The following ASAH2 variants were observed in gnomAD, a reference collection of about 807,000 sequenced individuals.
ASAH2 encodes N-acylsphingosine amidohydrolase 2.
A neutral mutation model predicts 82.9 loss-of-function variants in ASAH2; 58 were observed. The observed-to-expected ratio is 0.70, with a 90% CI of 0.57 to 0.87. The LOEUF is 0.87. Among genes scored for constraint, ASAH2 ranks in the 40% least tolerant of loss-of-function variants. The pLI is 0.00. For synonymous variants in ASAH2, 276 were observed against 289.7 expected (o/e 0.95, Z 0.48); for missense variants, 779 against 834.0 (o/e 0.93, Z 0.81).
chr10:50,221,645 G>T (rs1403650395), intron 7 of ASAH2, among the ~76,000 whole-genome samples: 7 of 149,682 alleles, frequency 4.7e-5, no homozygotes, highest in African/African-American at 1.8e-4. Flanking sequence ...GTGTGTGTGT[G>T]TGTGTGTGTG....
At chr10:50,229,200 A>G (rs1589347060) in intron 7 of ASAH2, among the ~76,000 whole-genome samples, 2 of 152,188 alleles carry the variant, frequency 1.3e-5, no homozygotes, top group South Asian at 4.1e-4. Flanking sequence ...ATTTTCCTCT[A>G]TTGGATGACA....
intron 4 of ASAH2, among the ~76,000 whole-genome samples, chr10:50,242,623 G>A (rs1279835983): frequency 3.0e-5 from 4 of 134,208 alleles, no homozygotes; most frequent in South Asian, 2.3e-4. Context: ...TTGCTTGCTC[G>A]CTTTCTATCT....
chr10:50,227,265 C>CT (rs1453446528), intron 7 of ASAH2, among the ~76,000 whole-genome samples: 6 of 152,044 alleles, frequency 3.9e-5, no homozygotes, highest in Non-Finnish European at 7.4e-5. Flanking sequence ...CATTAACAGA[C>CT]TATGTAGACT....
chr10:50,250,378 C>G (rs1030268270), intron 1 of ASAH2, among the ~76,000 whole-genome samples: 2 of 152,160 alleles, frequency 1.3e-5, no homozygotes, highest in Admixed American at 6.5e-5. Context: ...TATTGGGAAG[C>G]TTTCCTCATC....
intron 18 of ASAH2, among the ~76,000 whole-genome samples, chr10:50,195,054 A>G (rs1338379463): frequency 6.6e-6 from 1 of 151,366 alleles, no homozygotes; most frequent in African/African-American, 2.4e-5. Flanking sequence ...TATTACATCA[A>G]ACTAAACAGT....
At chr10:50,236,441 T>G (rs1403052729) in intron 4 of ASAH2, among the ~76,000 whole-genome samples, 1 of 152,054 alleles carries the variant, frequency 6.6e-6, no homozygotes, top group Non-Finnish European at 1.5e-5. Flanking sequence ...CCCACCCTCA[T>G]GATTCAATTA....
rs1451339576 is a variant in ASAH2, at chr10:50,185,885, C to T, written c.*1430G>A. ...TTTAAAATACAGATTGATTTTTTTC[C>T]CTAAAATGCTAAAGCTTTTACATAC... On this transcript the variant is annotated 3_prime_UTR_variant, in exon 21 of 21. Transcript: ENST00000682911. The T allele has an allele frequency of 1.4e-5, 2 of 143,726 alleles. No homozygotes were observed. The highest frequency in any genetic ancestry group is 2.7e-5 in the African/African-American group (1 of 37,384). The allele number at this position is 143,726 out of a possible 1,614,324, so 8.9% of individuals were successfully genotyped here.
Position 50,210,838 on chromosome 10 carries a change from G to A in ASAH2, c.1399C>T (p.Leu467Phe). 1 of 1,612,404 alleles carries A rather than the reference G, an allele frequency of 6.2e-7. No individual in the cohort carries two copies. Among genetic ancestry groups the A allele is most frequent in the African/African-American group, 1.3e-5 (1 of 74,994 alleles). ...AAGTIDGVGGLNFTQGKTEGD... is the reference protein window; with the variant it reads ...AAGTIDGVGGFNFTQGKTEGD... ...TTCACCTTACCCTGTGTAAAATTGA[G>A]GCCTCCAACTCCATCAATAGTGCCA... is the stretch of plus-strand genomic sequence containing the variant. Residue 467 changes from leucine to phenylalanine, a missense_variant, in exon 12 of 21, where the codon CTC becomes TTC. Coordinates refer to ENST00000682911, the MANE Select transcript of ASAH2 (RefSeq NM_019893.4).
At chr10:50,245,586 T>C in intron 2 of ASAH2, 132 bp from the exon 3 acceptor site, 2 of 809,486 alleles carry the variant, frequency 2.5e-6, no homozygotes, top group African/African-American at 3.5e-5. Context: ...TAAAAATATA[T>C]AGACAGGAAC....
intron 12 of ASAH2, among the ~76,000 whole-genome samples, chr10:50,208,256 T>C (rs1478381498): frequency 6.6e-6 from 1 of 151,976 alleles, no homozygotes; most frequent in Non-Finnish European, 1.5e-5. Context: ...ACACAGAATA[T>C]ACACTCTTTT....
At chr10:50,243,394 C>T in intron 3 of ASAH2, 43 bp from the exon 4 acceptor site, 1 of 1,591,440 alleles carries the variant, frequency 6.3e-7, no homozygotes, top group Non-Finnish European at 8.6e-7. Context: ...TCTCATTCCC[C>T]TGCTACTAGA....
At chr10:50,226,064 G>A (rs1845876534) in intron 7 of ASAH2, among the ~76,000 whole-genome samples, 2 of 151,860 alleles carry the variant, frequency 1.3e-5, no homozygotes, top group Admixed American at 1.3e-4. Context: ...CTGCACTCCA[G>A]CCTGGGCAAC....
intron 4 of ASAH2, among the ~76,000 whole-genome samples, chr10:50,240,773 C>T (rs537511977): frequency 0.019 from 2,916 of 152,314 alleles, 114 homozygotes; most frequent in African/African-American, 0.066. Context: ...AAATTCTGCT[C>T]ACTCAAGTGT....
At position 50,204,794 on chromosome 10, in the gene ASAH2, A is replaced by G. The variant is rs2133202178; in HGVS notation, c.1625+67T>C. On this transcript the variant is annotated intron_variant, in intron 14 of 20. Coordinates refer to ENST00000682911, the MANE Select transcript of ASAH2 (RefSeq NM_019893.4). Reference sequence around the variant, plus strand: ...CAACACAGAATGATCTTTTCATGATAAGAAGCAATTCCAACAGAACATACA... The same window carrying G: ...CAACACAGAATGATCTTTTCATGATGAGAAGCAATTCCAACAGAACATACA... 4 of 1,204,962 alleles carry G rather than the reference A, an allele frequency of 3.3e-6. No homozygotes were observed. The South Asian group carries it at 5.2e-5, about 16-fold the overall frequency. 74.6% of individuals were successfully genotyped at this position (1,204,962 alleles called of 1,614,324 possible).
chr10:50,228,611 T>C (rs1301699069), intron 7 of ASAH2, among the ~76,000 whole-genome samples: 1 of 152,160 alleles, frequency 6.6e-6, no homozygotes, highest in African/African-American at 2.4e-5. Context: ...TTTAACTTTT[T>C]ACACAAATGA....
At chr10:50,202,212 A>G (rs1216680822) in intron 16 of ASAH2, among the ~76,000 whole-genome samples, 1 of 152,084 alleles carries the variant, frequency 6.6e-6, no homozygotes, top group Admixed American at 6.6e-5. Context: ...CACTGCTGTT[A>G]TATACCAGCA....
At chr10:50,210,363 G>A (rs1845419707) in intron 12 of ASAH2, among the ~76,000 whole-genome samples, 1 of 152,100 alleles carries the variant, frequency 6.6e-6, no homozygotes. Flanking sequence ...AGCCAAGCGT[G>A]GTGGCAGGTG....
At chr10:50,244,217 T>C (rs1846382983) in intron 3 of ASAH2, among the ~76,000 whole-genome samples, 1 of 152,216 alleles carries the variant, frequency 6.6e-6, no homozygotes, top group African/African-American at 2.4e-5. Flanking sequence ...GGCAGCAGGC[T>C]GTCCATGATT....
chr10:50,248,931 AT>A (rs1335862956), intron 1 of ASAH2, among the ~76,000 whole-genome samples: 1 of 152,158 alleles, frequency 6.6e-6, no homozygotes, highest in Non-Finnish European at 1.5e-5. Context: ...GCTAAAATCT[AT>A]TTGCATTCCT....
Sources: allele counts gnomAD v4.1 joint callset (sites outside exome capture counted in the v4.1 genomes callset), GRCh38; gene constraint gnomAD v4.1.1; transcripts MANE v1.5; gene names NCBI Gene and HGNC (gene_info 2026-07-23, HGNC 2026-07-21).